The following KAZN variants were observed in gnomAD, a reference collection of about 807,000 sequenced individuals.
KAZN encodes the protein kazrin.
A neutral mutation model predicts 87.4 loss-of-function variants in KAZN; 40 were observed. The observed-to-expected ratio is 0.46, with a 90% CI of 0.36 to 0.60. The LOEUF is 0.60. Among genes scored for constraint, KAZN ranks in the 20% least tolerant of loss-of-function variants. KAZN has a pLI of 0.00. For missense variants in KAZN, 898 were observed against 1,073.9 expected (o/e 0.84, Z 2.29); for synonymous variants, 466 against 458.3 (o/e 1.02, Z -0.22).
At position 14,503,399 on chromosome 1, in the gene KAZN, G is replaced by A. The variant is rs1313316670; in HGVS notation, c.250-95584G>A. 2.6e-5 allele frequency among the ~76,000 whole-genome samples: 4 copies of A among 151,242 alleles called. No individual in the cohort carries two copies. In the East Asian group the frequency reaches 7.8e-4, roughly 29 times the overall value. On this transcript the variant is annotated intron_variant, in intron 2 of 16. Transcript: ENST00000636203. ...CTCGGGAGGCTGAGGCAGGAGAATG[G>A]CATGAACCTGGGAGGCAGAGCTTGC...
chr1:14,874,537 G>A (rs915502303), intron 1 of KAZN, among the ~76,000 whole-genome samples: 2 of 151,706 alleles, frequency 1.3e-5, no homozygotes, highest in South Asian at 4.1e-4. Context: ...TGGATGGAAG[G>A]CTAACTTAAC....
intron 2 of KAZN, among the ~76,000 whole-genome samples, chr1:14,544,302 A>G (rs2148500141): frequency 7.0e-6 from 1 of 142,710 alleles, no homozygotes; most frequent in African/African-American, 2.6e-5. Flanking sequence ...ACCACAAATT[A>G]CCACTTTGAG....
At chr1:14,927,314 G>C (rs1659280424) in intron 1 of KAZN, among the ~76,000 whole-genome samples, 2 of 152,190 alleles carry the variant, frequency 1.3e-5, no homozygotes, top group South Asian at 4.1e-4. Context: ...GCCAGGCACT[G>C]TTGTAGCTGC....
chr1:14,836,847 A>C (rs1245733998), intron 1 of KAZN, among the ~76,000 whole-genome samples: 1 of 152,170 alleles, frequency 6.6e-6, no homozygotes, highest in Non-Finnish European at 1.5e-5. Flanking sequence ...TTAAAATATA[A>C]TACTTTTAAA....
chr1:14,695,208 G>A (rs991153548), intron 1 of KAZN, among the ~76,000 whole-genome samples: 8 of 152,056 alleles, frequency 5.3e-5, no homozygotes, highest in South Asian at 2.1e-4. Context: ...GCAATCAATC[G>A]ATACCTCCAC....
intron 1 of KAZN, among the ~76,000 whole-genome samples, chr1:14,654,287 CAAAAAA>C (rs140822403): frequency 1.2e-5 from 1 of 80,346 alleles, no homozygotes. Flanking sequence ...GGCTTCGTCT[CAAAAAA>C]AAAAAAAAAA....
chr1:14,223,608 G>A (rs571024671), intron 2 of KAZN, among the ~76,000 whole-genome samples: 2 of 152,212 alleles, frequency 1.3e-5, no homozygotes, highest in Non-Finnish European at 2.9e-5. Context: ...TCTTTTTAAA[G>A]CTCTCCCAAA....
intron 2 of KAZN, among the ~76,000 whole-genome samples, chr1:14,187,835 C>T (rs919123249): frequency 7.2e-5 from 11 of 152,126 alleles, no homozygotes; most frequent in African/African-American, 1.7e-4. Flanking sequence ...CTTTTGATTT[C>T]GGAATTCTTT....
intron 2 of KAZN, among the ~76,000 whole-genome samples, chr1:14,285,342 C>A (rs1212586140): frequency 6.6e-6 from 1 of 152,230 alleles, no homozygotes; most frequent in Middle Eastern, 3.2e-3. Flanking sequence ...ATTCTCCTCA[C>A]ATCCCAGTCT....
At chr1:15,007,676 C>CTG (rs1233807413) in intron 2 of KAZN, among the ~76,000 whole-genome samples, 1 of 152,194 alleles carries the variant, frequency 6.6e-6, no homozygotes. Flanking sequence ...GGGCAGGTAG[C>CTG]TCACCTGCCC....
At chr1:13,966,018 G>T (rs958921588) in intron 1 of KAZN, among the ~76,000 whole-genome samples, 1 of 152,120 alleles carries the variant, frequency 6.6e-6, no homozygotes, top group African/African-American at 2.4e-5. Flanking sequence ...AGCAGGGAGA[G>T]GGAGCAGCAC....
intron 6 of KAZN, chr1:15,061,242 G>A (rs1259833436): frequency 6.6e-6 from 1 of 152,230 alleles, no homozygotes; most frequent in African/African-American, 2.4e-5. Flanking sequence ...TAATAAGCAT[G>A]TACATAACAG....
At chr1:15,108,809 C>T (rs1557804728) in intron 13 of KAZN, among the ~76,000 whole-genome samples, 1 of 152,152 alleles carries the variant, frequency 6.6e-6, no homozygotes, top group Admixed American at 6.5e-5. Flanking sequence ...ATAACGTTCC[C>T]TCATCAAAAG....
In KAZN at chr1:14,080,701, T is replaced by C. The variant is rs548587630; in HGVS notation, c.92-99734T>C. 3.3e-5 allele frequency among the ~76,000 whole-genome samples: 5 copies of C among 152,358 alleles called. No individual in the cohort carries two copies. In the East Asian group the frequency reaches 9.6e-4, roughly 29 times the overall value. On this transcript the variant is annotated intron_variant, in intron 1 of 16. Transcript: ENST00000636203. ...GAGCGTTTTCTGCATGACTCTTTTC[T>C]GTAAAAGCTTCGGTAGCACATAGAG...
At chr1:14,525,930 G>A (rs975553751) in intron 2 of KAZN, among the ~76,000 whole-genome samples, 3 of 152,196 alleles carry the variant, frequency 2.0e-5, no homozygotes, top group African/African-American at 7.2e-5. Context: ...AAGGTCTTGG[G>A]ATCTCAGAGC....
intron 2 of KAZN, among the ~76,000 whole-genome samples, chr1:14,278,393 C>G (rs994109599): frequency 1.1e-4 from 17 of 150,280 alleles, no homozygotes; most frequent in Non-Finnish European, 1.9e-4. Context: ...CGGACTCAAG[C>G]GATTCGCCAG....
intron 1 of KAZN, among the ~76,000 whole-genome samples, chr1:14,849,832 A>G (rs1393519537): frequency 3.3e-5 from 5 of 152,086 alleles, no homozygotes; most frequent in African/African-American, 9.7e-5. Context: ...GAGTTTTTCC[A>G]TCTTACTCAC....
chr1:14,955,691 G>C (rs896183154), intron 1 of KAZN, among the ~76,000 whole-genome samples: 1 of 152,228 alleles, frequency 6.6e-6, no homozygotes, highest in Admixed American at 6.5e-5. Context: ...GGTGCACGCA[G>C]GAAAAAATCT....
intron 2 of KAZN, among the ~76,000 whole-genome samples, chr1:14,509,073 T>G (rs1428097581): frequency 6.6e-6 from 1 of 152,200 alleles, no homozygotes; most frequent in East Asian, 1.9e-4. Context: ...GCGTATAGTG[T>G]TAGCACGGAG....
Sources: gnomAD v4.1 joint callset for allele counts (sites outside exome capture counted in the v4.1 genomes callset) on GRCh38, gnomAD v4.1.1 for gene constraint, MANE v1.5 for transcripts, NCBI Gene and HGNC (gene_info 2026-07-23, HGNC 2026-07-21) for gene names.